The following FGF12 variants were observed in gnomAD, a reference collection of about 807,000 sequenced individuals.
FGF12 encodes the protein fibroblast growth factor 12, also known as fibroblast growth factor 12B.
FGF12 carries 14 observed loss-of-function variants against 23.6 expected under a neutral mutation model. The observed-to-expected ratio is 0.59, with a 90% CI of 0.39 to 0.93. FGF12 has a LOEUF of 0.93. FGF12 is among the 40% of genes least tolerant of loss of function. FGF12 has a pLI of 0.00. For synonymous variants in FGF12, 62 were observed against 77.3 expected (o/e 0.80, Z 1.04); for missense variants, 175 against 217.8 (o/e 0.80, Z 1.24).
chr3:192,645,293 C>A (rs1313183065), intron 2 of FGF12, among the ~76,000 whole-genome samples: 1 of 151,964 alleles, frequency 6.6e-6, no homozygotes, highest in Non-Finnish European at 1.5e-5. Context: ...GATATCATAA[C>A]AGCACAACAG....
At chr3:192,288,798 T>C (rs933262364) in intron 4 of FGF12, among the ~76,000 whole-genome samples, 2 of 152,154 alleles carry the variant, frequency 1.3e-5, no homozygotes, top group African/African-American at 4.8e-5. Flanking sequence ...AATCCATTTT[T>C]CTATTTGAAA....
At chr3:192,309,207 G>A (rs1191244905) in intron 4 of FGF12, among the ~76,000 whole-genome samples, 2 of 152,156 alleles carry the variant, frequency 1.3e-5, no homozygotes, top group Non-Finnish European at 2.9e-5. Flanking sequence ...GCCATTAGTG[G>A]AAAGAAAGAC....
At chr3:192,644,773 T>C (rs57973832) in intron 2 of FGF12, among the ~76,000 whole-genome samples, 3,480 of 152,266 alleles carry the variant, frequency 0.023, 144 homozygotes, top group African/African-American at 0.08. Context: ...GAAGAGCCTT[T>C]GCCCTTCAAG....
intron 2 of FGF12, among the ~76,000 whole-genome samples, chr3:192,653,730 T>A (rs529742380): frequency 1.3e-5 from 2 of 151,952 alleles, no homozygotes; most frequent in Admixed American, 6.5e-5. Context: ...CTTTTTTTTT[T>A]TTGAGACGGA....
chr3:192,665,001 T>C (rs1716810773), intron 2 of FGF12, among the ~76,000 whole-genome samples: 1 of 152,230 alleles, frequency 6.6e-6, no homozygotes, highest in Non-Finnish European at 1.5e-5. Flanking sequence ...AAACCTCATC[T>C]GGCGTTCAGT....
chr3:192,610,799 G>T (rs1714523839), intron 2 of FGF12, among the ~76,000 whole-genome samples: 1 of 151,950 alleles, frequency 6.6e-6, no homozygotes, highest in Non-Finnish European at 1.5e-5. Context: ...CCAGGTGTGT[G>T]GTCATGTCTC....
intron 4 of FGF12, among the ~76,000 whole-genome samples, chr3:192,230,466 A>T (rs778788686): frequency 2.6e-5 from 4 of 152,174 alleles, no homozygotes; most frequent in Non-Finnish European, 5.9e-5. Flanking sequence ...TCAGTGCCTG[A>T]TAAATATGTA....
chr3:192,658,961 C>A (rs138079532), intron 2 of FGF12, among the ~76,000 whole-genome samples: 327 of 152,276 alleles, frequency 2.1e-3, no homozygotes, highest in Middle Eastern at 6.8e-3. Context: ...ATACATGGCC[C>A]CTGCCTTCCA....
At chr3:192,615,825 C>G (rs1420183918) in intron 2 of FGF12, among the ~76,000 whole-genome samples, 1 of 151,722 alleles carries the variant, frequency 6.6e-6, no homozygotes, top group Non-Finnish European at 1.5e-5. Flanking sequence ...GAAATTTATG[C>G]CAGGTGATAA....
At chr3:192,726,011 C>T (rs1719202344) in intron 2 of FGF12, among the ~76,000 whole-genome samples, 1 of 152,142 alleles carries the variant, frequency 6.6e-6, no homozygotes, top group South Asian at 2.1e-4. Context: ...TGATTCAGCT[C>T]TTTTTATACT....
intron 2 of FGF12, among the ~76,000 whole-genome samples, chr3:192,631,703 T>C (rs1466146584): frequency 2.6e-5 from 4 of 152,194 alleles, no homozygotes; most frequent in Non-Finnish European, 5.9e-5. Flanking sequence ...CATACCCCAT[T>C]ATAGTTATCA....
intron 4 of FGF12, among the ~76,000 whole-genome samples, chr3:192,323,683 T>C (rs1228185334): frequency 6.6e-6 from 1 of 152,176 alleles, no homozygotes; most frequent in Non-Finnish European, 1.5e-5. Flanking sequence ...CATTTTAAAT[T>C]ACCTAAAAGA....
intron 4 of FGF12, among the ~76,000 whole-genome samples, chr3:192,268,322 T>C (rs996107825): frequency 6.6e-6 from 1 of 152,168 alleles, no homozygotes; most frequent in African/African-American, 2.4e-5. Context: ...TATCTAAAAC[T>C]AGATTTAACA....
intron 2 of FGF12, among the ~76,000 whole-genome samples, chr3:192,507,676 C>G (rs1318618672): frequency 6.6e-6 from 1 of 152,154 alleles, no homozygotes; most frequent in Non-Finnish European, 1.5e-5. Context: ...AATCCCCAGG[C>G]TGCTTGTGAA....
At chr3:192,232,319 T>C (rs1172534453) in intron 4 of FGF12, among the ~76,000 whole-genome samples, 1 of 152,160 alleles carries the variant, frequency 6.6e-6, no homozygotes, top group Non-Finnish European at 1.5e-5. Context: ...TCTTGCTCTC[T>C]AGGAGCCACG....
In FGF12 at chr3:192,454,589, T is replaced by C. The variant is rs1040957862; in HGVS notation, c.14-94051A>G. ...CATAAACCTAAAAAGGGCTTAAACCTTGTAGTCTGATAAACATGGTGCAAG... is the reference window on the plus strand; with the variant it reads ...CATAAACCTAAAAAGGGCTTAAACCCTGTAGTCTGATAAACATGGTGCAAG... On this transcript the variant is annotated intron_variant, in intron 2 of 5. Coordinates refer to ENST00000445105, the MANE Select transcript of FGF12 (RefSeq NM_004113.6). 7.9e-5 allele frequency among the ~76,000 whole-genome samples: 12 copies of C among 152,324 alleles called. No homozygotes were observed. The South Asian group carries it at 1.9e-3, about 24-fold the overall frequency.
At chr3:192,207,538 T>A (rs886288737) in intron 4 of FGF12, among the ~76,000 whole-genome samples, 1 of 152,072 alleles carries the variant, frequency 6.6e-6, no homozygotes, top group Non-Finnish European at 1.5e-5. Flanking sequence ...AAATGTTCAG[T>A]GTATTTGGAG....
chr3:192,464,858 A>G (rs978747649), intron 2 of FGF12, among the ~76,000 whole-genome samples: 1 of 152,150 alleles, frequency 6.6e-6, no homozygotes, highest in Admixed American at 6.6e-5. Flanking sequence ...CACCTCTGAG[A>G]GGTCTGGCTG....
rs1005592987 is a variant in FGF12, at chr3:192,492,571, T to G, written c.14-132033A>C. Among the ~76,000 whole-genome samples, 22 of 152,196 alleles carry G rather than the reference T, an allele frequency of 1.4e-4. 1 individual carries two copies. On this transcript the variant is annotated intron_variant, in intron 2 of 5. Coordinates refer to ENST00000445105, the MANE Select transcript of FGF12 (RefSeq NM_004113.6). Reference sequence around the variant, plus strand: ...ATCTTAGTTGACACACAGATGAAACTGTTAAAAAAAAGTATGGTTATATTA... The same window carrying G: ...ATCTTAGTTGACACACAGATGAAACGGTTAAAAAAAAGTATGGTTATATTA...
Sources: gnomAD v4.1 joint callset for allele counts (sites outside exome capture counted in the v4.1 genomes callset) on GRCh38, gnomAD v4.1.1 for gene constraint, MANE v1.5 for transcripts, NCBI Gene and HGNC (gene_info 2026-07-23, HGNC 2026-07-21) for gene names.